Variants in ARPP21 observed in about 807,000 individuals in gnomAD.
ARPP21 encodes the protein cAMP regulated phosphoprotein 21, also known as cAMP-regulated phosphoprotein 21.
Under a neutral mutation model 113.2 loss-of-function variants are expected in ARPP21, and 69 were observed. The observed-to-expected ratio is 0.61, with a 90% confidence interval of 0.50 to 0.74. The LOEUF is 0.74. Ranked by LOEUF, ARPP21 falls within the 30% of genes least tolerant of loss-of-function variation. The pLI is 0.00. For synonymous variants in ARPP21, 368 were observed against 375.5 expected (o/e 0.98, Z 0.23); for missense variants, 1,070 against 1,037.4 (o/e 1.03, Z -0.43).
Position 35,677,216 on chromosome 3 carries a change from T to G in ARPP21, c.-212-2571T>G, listed in dbSNP as rs530954187. 2.0e-4 allele frequency among the ~76,000 whole-genome samples: 30 copies of G among 152,020 alleles called. No individual in the cohort carries two copies. The South Asian group carries it at 5.8e-3, about 29-fold the overall frequency. ...CGGTGAACTAAATTATTGCCGAAAT[T>G]TGAATCAAATCTGACCTTTCTTTCC... On this transcript the variant is annotated intron_variant, in intron 1 of 20. Coordinates refer to ENST00000684406, the MANE Select transcript of ARPP21 (RefSeq NM_001385562.1).
rs577146957 is a variant in ARPP21, at chr3:35,782,987, G to T, written c.2138-9395G>T. Among the ~76,000 whole-genome samples, 19 of 152,062 alleles carry T rather than the reference G, an allele frequency of 1.2e-4. No individual in the cohort carries two copies. In the South Asian group the frequency reaches 3.7e-3, roughly 30 times the overall value. On this transcript the variant is annotated intron_variant, in intron 19 of 20. Transcript: ENST00000684406. Reference sequence around the variant, plus strand: ...GGTTTGTTTGTTTTTTTAACCTAGGGTCTGCTGTCTTTTCTTCCTTGGCAG... The same window carrying T: ...GGTTTGTTTGTTTTTTTAACCTAGGTTCTGCTGTCTTTTCTTCCTTGGCAG...
intron 1 of ARPP21, among the ~76,000 whole-genome samples, chr3:35,667,722 A>C (rs1428802343): frequency 6.6e-6 from 1 of 151,930 alleles, no homozygotes; most frequent in Non-Finnish European, 1.5e-5. Flanking sequence ...TTGGATCATA[A>C]TGCATGACAA....
In ARPP21 at chr3:35,790,975, G is replaced by A. The variant is rs540860662; in HGVS notation, c.2138-1407G>A. ...GGCATAGGGCAGACCTCTCAAATTG[G>A]CCTTTTCCCAAGCTTGCTCTCCAAT... is the stretch of plus-strand genomic sequence containing the variant. On this transcript the variant is annotated intron_variant, in intron 19 of 20. Coordinates refer to ENST00000684406, the MANE Select transcript of ARPP21 (RefSeq NM_001385562.1). Among the ~76,000 whole-genome samples, 181 of 152,208 alleles carry A rather than the reference G, an allele frequency of 1.2e-3. 1 individual carries two copies. Among genetic ancestry groups the A allele is most frequent in the African/African-American group, 4.2e-3 (174 of 41,544 alleles).
In ARPP21 at chr3:35,773,750, CT is replaced by C. The variant is rs567646077; in HGVS notation, c.2138-18625del. 2.5e-3 allele frequency among the ~76,000 whole-genome samples: 382 copies of C among 152,186 alleles called. 2 individuals carry two copies. The highest frequency in any genetic ancestry group is 6.5e-3 in the Admixed American group (100 of 15,282). ...GGGCCCTCACCTGCTGAAATGACAA[CT>C]TTTTTTAATTAAAATTTTATCCTCA... On this transcript the variant is annotated intron_variant, in intron 19 of 20. Coordinates refer to ENST00000684406, the MANE Select transcript of ARPP21 (RefSeq NM_001385562.1).
At chr3:35,760,228 A>T (rs145723420) in intron 19 of ARPP21, among the ~76,000 whole-genome samples, 24 of 152,188 alleles carry the variant, frequency 1.6e-4, no homozygotes, top group African/African-American at 5.8e-4. Flanking sequence ...ACTGTAAATT[A>T]TGTGACTCAG....
chr3:35,643,578 A>G (rs1190871794), intron 1 of ARPP21: 1 of 152,116 alleles, frequency 6.6e-6, no homozygotes, highest in Non-Finnish European at 1.5e-5. Context: ...AGATAATGAT[A>G]AGCTACATAA....
At chr3:35,666,500 C>T (rs2074396390) in intron 1 of ARPP21, among the ~76,000 whole-genome samples, 1 of 152,096 alleles carries the variant, frequency 6.6e-6, no homozygotes, top group Non-Finnish European at 1.5e-5. Context: ...ATTCTTTTGG[C>T]ATTATTCAAC....
intron 1 of ARPP21, among the ~76,000 whole-genome samples, chr3:35,659,264 C>T (rs1020360154): frequency 1.3e-5 from 2 of 152,160 alleles, no homozygotes; most frequent in East Asian, 1.9e-4. Flanking sequence ...AGTCCACAAA[C>T]ACTTGTGTTC....
At chr3:35,793,070 G>A (rs990255304) in intron 20 of ARPP21, among the ~76,000 whole-genome samples, 1 of 152,160 alleles carries the variant, frequency 6.6e-6, no homozygotes, top group Non-Finnish European at 1.5e-5. Context: ...CCCAGAAGTA[G>A]AAATAAAGAG....
intron 19 of ARPP21, among the ~76,000 whole-genome samples, chr3:35,790,069 T>A (rs1171062741): frequency 6.6e-6 from 1 of 152,172 alleles, no homozygotes; most frequent in East Asian, 1.9e-4. Flanking sequence ...CCTCTCCATC[T>A]TTTTTGTTGT....
At position 35,741,920 on chromosome 3, in the gene ARPP21, C is replaced by T. The variant is rs59700411; in HGVS notation, c.2011-1919C>T. 4.1e-3 allele frequency among the ~76,000 whole-genome samples: 617 copies of T among 152,210 alleles called. 7 individuals carry two copies. Among genetic ancestry groups the T allele is most frequent in the African/African-American group, 0.014 (573 of 41,526 alleles). Reference sequence around the variant, plus strand: ...CATAGTTCCTAAGAGCTAACCAAAGCGCCACCTTGGAGTGGCGCTGGATTC... The same window carrying T: ...CATAGTTCCTAAGAGCTAACCAAAGTGCCACCTTGGAGTGGCGCTGGATTC... On this transcript the variant is annotated intron_variant, in intron 18 of 20. Coordinates refer to ENST00000684406, the MANE Select transcript of ARPP21 (RefSeq NM_001385562.1).
intron 5 of ARPP21, among the ~76,000 whole-genome samples, chr3:35,687,342 T>C (rs1486194736): frequency 6.6e-6 from 1 of 151,080 alleles, no homozygotes; most frequent in Non-Finnish European, 1.5e-5. Flanking sequence ...TTTCCCCTTA[T>C]AAGGAATTAT....
chr3:35,739,844 C>T (rs2094553767), intron 18 of ARPP21, among the ~76,000 whole-genome samples: 1 of 152,140 alleles, frequency 6.6e-6, no homozygotes, highest in Admixed American at 6.5e-5. Flanking sequence ...GGTACAGAGA[C>T]CATAAGAAAG....
intron 1 of ARPP21, among the ~76,000 whole-genome samples, chr3:35,640,699 A>G (rs1697752818): frequency 6.6e-6 from 1 of 152,194 alleles, no homozygotes; most frequent in African/African-American, 2.4e-5. Context: ...AAAGTTTGCA[A>G]TGCTCTTTTT....
chr3:35,648,627 G>A (rs1398361111), intron 1 of ARPP21, among the ~76,000 whole-genome samples: 4 of 152,164 alleles, frequency 2.6e-5, no homozygotes, highest in Non-Finnish European at 4.4e-5. Context: ...AAATGAGTCA[G>A]CACTGTGCCT....
intron 19 of ARPP21, chr3:35,781,422 G>A (rs929948790): frequency 3.3e-5 from 5 of 152,278 alleles, no homozygotes; most frequent in Admixed American, 3.3e-4. Flanking sequence ...TTCAGGACAG[G>A]CATTTGTCCT....
chr3:35,668,497 T>TCAGG (rs1559552243), intron 1 of ARPP21, among the ~76,000 whole-genome samples: 1 of 152,092 alleles, frequency 6.6e-6, no homozygotes, highest in Admixed American at 6.6e-5. Flanking sequence ...ATATGAGTGG[T>TCAGG]CAGGCCACAG....
At chr3:35,680,435 G>C (rs1350755983) in intron 2 of ARPP21, among the ~76,000 whole-genome samples, 1 of 151,824 alleles carries the variant, frequency 6.6e-6, no homozygotes, top group African/African-American at 2.4e-5. Flanking sequence ...TGCTGAATAA[G>C]CCTGTGTATT....
At chr3:35,697,235 C>A (rs2084402352) in intron 9 of ARPP21, among the ~76,000 whole-genome samples, 1 of 151,564 alleles carries the variant, frequency 6.6e-6, no homozygotes, top group Non-Finnish European at 1.5e-5. Flanking sequence ...TCTGACAGTG[C>A]AGAGCAAATA....
Sources: allele counts gnomAD v4.1 joint callset (sites outside exome capture counted in the v4.1 genomes callset), GRCh38; gene constraint gnomAD v4.1.1; transcripts MANE v1.5; gene names NCBI Gene and HGNC (gene_info 2026-07-23, HGNC 2026-07-21).